The following NEK7 variants were observed in gnomAD, a reference collection of about 807,000 sequenced individuals.
NEK7 encodes the protein serine/threonine-protein kinase Nek7.
A neutral mutation model predicts 44.6 loss-of-function variants in NEK7; 18 were observed. The ratio of observed to expected loss-of-function variants is 0.40; its 90% CI spans 0.28 to 0.60. NEK7 has a LOEUF of 0.60. NEK7 is among the 20% of genes least tolerant of loss of function. The pLI, the probability that NEK7 is intolerant of heterozygous loss-of-function variation, is 0.38. For missense variants in NEK7, 256 were observed against 366.5 expected, an observed-to-expected ratio of 0.70 and a Z score of 2.46; for synonymous variants, 130 against 121.1, an observed-to-expected ratio of 1.07 and a Z score of -0.48.
intron 1 of NEK7, among the ~76,000 whole-genome samples, chr1:198,198,380 GATAA>G (rs1476360107): frequency 6.6e-6 from 1 of 152,160 alleles, no homozygotes; most frequent in African/African-American, 2.4e-5. Flanking sequence ...GCCAAGAGGT[GATAA>G]ATACTGATGG....
chr1:198,179,798 A>AGT (rs10554737), intron 1 of NEK7, among the ~76,000 whole-genome samples: 46 of 150,816 alleles, frequency 3.1e-4, no homozygotes, highest in Admixed American at 5.9e-4. Flanking sequence ...GTTACACAGG[A>AGT]GTGTGTGTGT....
At chr1:198,249,761 G>C (rs1054777477) in intron 2 of NEK7, among the ~76,000 whole-genome samples, 6 of 140,060 alleles carry the variant, frequency 4.3e-5, no homozygotes, top group Non-Finnish European at 9.1e-5. Flanking sequence ...AAATTTGTTT[G>C]AGTTCATTGT....
chr1:198,315,838 C>G (rs746067079), intron 9 of NEK7, among the ~76,000 whole-genome samples: 1 of 152,206 alleles, frequency 6.6e-6, no homozygotes, highest in South Asian at 2.1e-4. Flanking sequence ...TGAATATTTA[C>G]GTGCAGCTCT....
chr1:198,190,665 A>G (rs1416758390), intron 1 of NEK7, among the ~76,000 whole-genome samples: 2 of 152,068 alleles, frequency 1.3e-5, no homozygotes, highest in East Asian at 3.8e-4. Flanking sequence ...ATGCAAATGT[A>G]TCTGTAATTA....
At chr1:198,273,077 TTCTATTATAATCTAAAA>T (rs2102970572) in intron 5 of NEK7, among the ~76,000 whole-genome samples, 1 of 151,964 alleles carries the variant, frequency 6.6e-6, no homozygotes, top group African/African-American at 2.4e-5. Context: ...TATATTTATA[TTCTATTATAATCTAAAA>T]ACAGCTTAGC....
At chr1:198,315,441 C>G (rs879859432) in intron 9 of NEK7, among the ~76,000 whole-genome samples, 5 of 152,198 alleles carry the variant, frequency 3.3e-5, no homozygotes, top group Admixed American at 6.5e-5. Context: ...TGTTCCTATT[C>G]GGCCATCTTG....
intron 7 of NEK7, among the ~76,000 whole-genome samples, chr1:198,289,683 T>G (rs1396903080): frequency 6.6e-6 from 1 of 152,182 alleles, no homozygotes; most frequent in Non-Finnish European, 1.5e-5. Context: ...TTTGCAGAGA[T>G]TACAGTGCTA....
intron 9 of NEK7, among the ~76,000 whole-genome samples, chr1:198,316,476 A>C (rs902035627): frequency 6.6e-6 from 1 of 152,242 alleles, no homozygotes; most frequent in African/African-American, 2.4e-5. Context: ...GAGGTGCAAC[A>C]ACTCATAGTT....
intron 1 of NEK7, chr1:198,198,193 G>A (rs983414790): frequency 5.4e-6 from 4 of 736,614 alleles, no homozygotes; most frequent in African/African-American, 3.5e-5. Context: ...ACATGTTGAG[G>A]TGTGTCCTCC....
At position 198,317,877 on chromosome 1, in the gene NEK7, A is replaced by ATTTTTTTTTTTT. The variant is rs34704209; in HGVS notation, c.799-1523_799-1512dup. 4.4e-4 allele frequency among the ~76,000 whole-genome samples: 31 copies of ATTTTTTTTTTTT among 70,168 alleles called. 2 individuals are homozygous for ATTTTTTTTTTTT. Among genetic ancestry groups the ATTTTTTTTTTTT allele is most frequent in the South Asian group, 5.4e-4 (1 of 1,850 alleles). 46.0% of individuals were successfully genotyped at this position (70,168 alleles called of 152,430 possible). On this transcript the variant is annotated intron_variant, in intron 9 of 9. Transcript: ENST00000367385. ...GCATTGTGTATTACTGGATATATTT[A>ATTTTTTTTTTTT]TTTTTTTTTTTTTTTTTTTTTTTGG...
intron 1 of NEK7, among the ~76,000 whole-genome samples, chr1:198,186,423 A>G (rs554934113): frequency 2.0e-5 from 3 of 152,110 alleles, no homozygotes; most frequent in South Asian, 2.1e-4. Flanking sequence ...TTTGTTTTGT[A>G]TTGTTATTTG....
At chr1:198,203,250 G>A (rs1665489264) in intron 1 of NEK7, among the ~76,000 whole-genome samples, 2 of 152,134 alleles carry the variant, frequency 1.3e-5, no homozygotes. Flanking sequence ...CTCAAGCCTG[G>A]TGCTTGAAAC....
At chr1:198,165,657 A>C in intron 1 of NEK7, among the ~76,000 whole-genome samples, 1 of 152,212 alleles carries the variant, frequency 6.6e-6, no homozygotes, top group East Asian at 1.9e-4. Flanking sequence ...GCACACAGGC[A>C]GAGTAGATTT....
At chr1:198,264,054 G>A in intron 4 of NEK7, 71 bp from the exon 5 acceptor site, 1 of 1,463,694 alleles carries the variant, frequency 6.8e-7, no homozygotes, top group Non-Finnish European at 9.0e-7. Context: ...TTGTTCTTAA[G>A]TACAAAACTA....
At chr1:198,260,859 C>T (rs1169494111) in intron 3 of NEK7, among the ~76,000 whole-genome samples, 4 of 151,350 alleles carry the variant, frequency 2.6e-5, no homozygotes, top group Non-Finnish European at 5.9e-5. Flanking sequence ...TGCGTTTGTA[C>T]AAGAAATAGA....
intron 2 of NEK7, chr1:198,245,297 A>G (rs1403266219): frequency 5.9e-6 from 1 of 169,288 alleles, no homozygotes; most frequent in Non-Finnish European, 1.5e-5. Flanking sequence ...TGTGTTGTTC[A>G]AGAGTCAATT....
intron 8 of NEK7, among the ~76,000 whole-genome samples, chr1:198,296,582 A>C (rs994001183): frequency 6.6e-6 from 1 of 152,206 alleles, no homozygotes; most frequent in Non-Finnish European, 1.5e-5. Context: ...GTTCTAATTC[A>C]TTGTAAACTA....
chr1:198,226,505 G>A (rs914037579), intron 1 of NEK7, among the ~76,000 whole-genome samples: 42 of 151,040 alleles, frequency 2.8e-4, no homozygotes, highest in African/African-American at 1.0e-3. Flanking sequence ...AGATCACACC[G>A]CTGCATTCCA....
intron 1 of NEK7, among the ~76,000 whole-genome samples, chr1:198,162,392 C>G (rs563204179): frequency 1.3e-5 from 2 of 152,242 alleles, no homozygotes; most frequent in Non-Finnish European, 2.9e-5. Flanking sequence ...TCTGTGTTTA[C>G]CATGATGTGG....
Sources: gnomAD v4.1 joint callset for allele counts (sites outside exome capture counted in the v4.1 genomes callset) on GRCh38, gnomAD v4.1.1 for gene constraint, MANE v1.5 for transcripts, NCBI Gene and HGNC (gene_info 2026-07-23, HGNC 2026-07-21) for gene names.